CA4: variants seen among roughly 807,000 people sequenced by gnomAD.
The protein encoded by CA4 is CA-IV.
In CA4, 24 loss-of-function variants were observed where a neutral mutation model predicts 34.5. The observed-to-expected ratio is 0.70, with a 90% CI of 0.50 to 0.98. CA4 has a LOEUF of 0.98. Among genes scored for constraint, CA4 ranks in the 50% least tolerant of loss-of-function variants. The probability of loss-of-function intolerance (pLI) is 0.00; values close to 1 mark genes in which losing one functional copy is unlikely to be tolerated. For synonymous variants in CA4, 178 were observed against 170.6 expected (o/e 1.04, Z -0.34); for missense variants, 394 against 396.7 (o/e 0.99, Z 0.06).
At chr17:60,163,011 G>T (rs937144693), downstream of CA4, among the ~76,000 whole-genome samples, 4 of 152,180 alleles carry the variant, frequency 2.6e-5, no homozygotes, top group Admixed American at 2.0e-4. Context: ...TTCAGCATCC[G>T]GGTGGGAGCC....
intron 1 of CA4, among the ~76,000 whole-genome samples, chr17:60,152,688 A>C (rs1234088459): frequency 6.6e-6 from 1 of 152,192 alleles, no homozygotes; most frequent in East Asian, 1.9e-4. Context: ...CCCAATCTTC[A>C]AAACCCCTTC....
chr17:60,174,837 A>G (rs922585227), downstream of CA4, among the ~76,000 whole-genome samples: 1 of 152,212 alleles, frequency 6.6e-6, no homozygotes. Context: ...AAATGTGGCA[A>G]ATCATCTACT....
downstream of CA4, among the ~76,000 whole-genome samples, chr17:60,175,721 T>C (rs1249710328): frequency 6.8e-6 from 1 of 147,832 alleles, no homozygotes; most frequent in African/African-American, 2.5e-5. Context: ...CTTAAAAGAG[T>C]TGTGCTTCAT....
chr17:60,158,244 T>C (rs778779664), intron 6 of CA4, 39 bp from the exon 7 acceptor site: 2 of 1,612,010 alleles, frequency 1.2e-6, no homozygotes, highest in Non-Finnish European at 1.7e-6. Flanking sequence ...GGGCTCCTTC[T>C]CCCACCCTCA....
the CA4 span, among the ~76,000 whole-genome samples, chr17:60,177,843 T>C: frequency 6.6e-6 from 1 of 152,250 alleles, no homozygotes; most frequent in Middle Eastern, 3.4e-3. Context: ...TTACTATCTA[T>C]GAGGAAGAAA....
rs121434551 is a variant in CA4, at chr17:60,158,357, C to T, written c.655C>T (p.Arg219Cys). 2.7e-5 allele frequency: 44 copies of T among 1,614,032 alleles called. No homozygotes were observed. The highest frequency in any genetic ancestry group is 3.3e-4 in the Middle Eastern group (2 of 6,084). Residue 219 changes from arginine (R) to cysteine (C), a missense_variant, in exon 7 of 8, where the codon CGC becomes TGC. Coordinates refer to ENST00000300900, the MANE Select transcript of CA4 (RefSeq NM_000717.5). ...GGAGGAGAAACTGAGGCACTACTTC[C>T]GCTACCTGGGCTCACTCACCACACC... The part of the protein sequence containing the change: ...PKEEKLRHYF[R>C]YLGSLTTPTC...
rs1402832047 is a variant in CA4 at position 60,159,437 on chromosome 17, G to A, written c.*13G>A. 1 of 1,609,472 alleles carries A rather than the reference G, an allele frequency of 6.2e-7. No individual in the cohort carries two copies. ...CTTCCTGCGATGATGGCTCACTTCT[G>A]CACGCAGCCTCTCTGTTGCCTCAGC... On this transcript the variant is annotated 3_prime_UTR_variant, in exon 8 of 8. Transcript: ENST00000300900.
At chr17:60,151,917 G>A (rs1419328677) in intron 1 of CA4, among the ~76,000 whole-genome samples, 2 of 151,442 alleles carry the variant, frequency 1.3e-5, no homozygotes, top group African/African-American at 2.4e-5. Context: ...ACCCCTGGCC[G>A]GGAGCGACTG....
intron 1 of CA4, chr17:60,151,542 C>T (rs2083591993): frequency 1.3e-5 from 2 of 152,236 alleles, no homozygotes; most frequent in African/African-American, 4.8e-5. Context: ...AAGTCACTTC[C>T]TGTCCCATTT....
At chr17:60,164,298 TTTTCTTTCTC>T (rs2083831983), downstream of CA4, among the ~76,000 whole-genome samples, 1 of 150,676 alleles carries the variant, frequency 6.6e-6, no homozygotes, top group Admixed American at 6.6e-5. Context: ...CTTTCTTTCT[TTTTCTTTCTC>T]TTTCTTCCTT....
downstream of CA4, among the ~76,000 whole-genome samples, chr17:60,161,509 G>T (rs181170159): frequency 1.3e-5 from 2 of 152,168 alleles, no homozygotes; most frequent in Admixed American, 6.5e-5. Context: ...CACCAGGAGG[G>T]CACTGAGGGA....
At chr17:60,176,666 G>A in the CA4 span, among the ~76,000 whole-genome samples, 897 of 152,298 alleles carry the variant, frequency 5.9e-3, 5 homozygotes, top group Middle Eastern at 0.02. Flanking sequence ...TAAAAGGGAT[G>A]TGAGCCATGT....
At chr17:60,151,109 G>T (rs772056330) in intron 1 of CA4, among the ~76,000 whole-genome samples, 3 of 152,228 alleles carry the variant, frequency 2.0e-5, no homozygotes, top group Non-Finnish European at 4.4e-5. Context: ...CAAGCGGCTG[G>T]GCACAGGGAT....
downstream of CA4, among the ~76,000 whole-genome samples, chr17:60,162,854 G>A (rs1181113234): frequency 6.6e-6 from 1 of 152,138 alleles, no homozygotes; most frequent in Non-Finnish European, 1.5e-5. Context: ...ACTCCCCTGT[G>A]CCTCCTTGGC....
intron 1 of CA4, among the ~76,000 whole-genome samples, chr17:60,154,835 C>A (rs558486718): frequency 6.6e-6 from 1 of 152,276 alleles, no homozygotes; most frequent in East Asian, 1.9e-4. Context: ...GGGGAGGGGC[C>A]GCCTAATCTC....
chr17:60,175,906 T>A, the CA4 span, among the ~76,000 whole-genome samples: 1 of 149,760 alleles, frequency 6.7e-6, no homozygotes, highest in African/African-American at 2.5e-5. Context: ...AGCCTCTGCC[T>A]CCCGGGTTCA....
the CA4 span, among the ~76,000 whole-genome samples, chr17:60,176,799 G>C: frequency 2.0e-5 from 3 of 152,134 alleles, no homozygotes; most frequent in Non-Finnish European, 4.4e-5. Context: ...GGGATGGGGG[G>C]AGTGGTTTCA....
chr17:60,178,175 C>T, the CA4 span, among the ~76,000 whole-genome samples: 2 of 152,306 alleles, frequency 1.3e-5, no homozygotes, highest in South Asian at 2.1e-4. Flanking sequence ...ATTAAATACA[C>T]TTATGAACTC....
At chr17:60,157,856 C>T in intron 5 of CA4, 68 bp downstream of exon 5, 2 of 1,538,628 alleles carry the variant, frequency 1.3e-6, no homozygotes, top group South Asian at 1.1e-5. Context: ...ATTCAGAGAC[C>T]TGGGACTCCA....
Sources: allele counts gnomAD v4.1 joint callset (sites outside exome capture counted in the v4.1 genomes callset), GRCh38; gene constraint gnomAD v4.1.1; transcripts MANE v1.5; gene names NCBI Gene and HGNC (gene_info 2026-07-23, HGNC 2026-07-21).